The following THSD7A variants were observed in gnomAD, a reference collection of about 807,000 sequenced individuals.
THSD7A encodes thrombospondin type 1 domain containing 7A.
Under a neutral mutation model 231.3 loss-of-function variants are expected in THSD7A, and 96 were observed. The observed-to-expected ratio is 0.41, with a 90% CI of 0.35 to 0.49. The LOEUF (loss-of-function observed/expected upper bound fraction) is 0.49. THSD7A is among the 20% of genes least tolerant of loss of function. The pLI, the probability that THSD7A is intolerant of heterozygous loss-of-function variation, is 0.05. For missense variants in THSD7A, 2,290 were observed against 2,070.2 expected (o/e 1.11, Z -2.06); for synonymous variants, 940 against 743.3 (o/e 1.26, Z -4.30).
intron 1 of THSD7A, among the ~76,000 whole-genome samples, chr7:11,680,213 A>C (rs1256034849): frequency 4.6e-5 from 7 of 152,198 alleles, no homozygotes; most frequent in African/African-American, 1.7e-4. Flanking sequence ...AGATGGATTA[A>C]GGACTTCAAC....
chr7:11,722,344 T>G (rs1583224665), intron 1 of THSD7A, among the ~76,000 whole-genome samples: 1 of 152,012 alleles, frequency 6.6e-6, no homozygotes, highest in East Asian at 2.0e-4. Context: ...TCTATAATCA[T>G]TTACTGTGCC....
intron 4 of THSD7A, among the ~76,000 whole-genome samples, chr7:11,552,179 G>T (rs1789657011): frequency 1.3e-5 from 2 of 151,898 alleles, no homozygotes; most frequent in African/African-American, 2.4e-5. Flanking sequence ...GTGGGAAGAG[G>T]GTGAGGATTG....
intron 11 of THSD7A, among the ~76,000 whole-genome samples, chr7:11,454,744 A>T (rs982839102): frequency 6.6e-6 from 1 of 151,970 alleles, no homozygotes; most frequent in East Asian, 1.9e-4. Flanking sequence ...CATGAAGGCA[A>T]TGTGAAATAT....
chr7:11,541,389 A>G lies in THSD7A; in HGVS notation c.1822+30T>C, dbSNP rs1247757409. ...AACATATATGCAGGGTTGGACATCC[A>G]TAAAAACATAATAGATACGTCTGTC... On this transcript the variant is annotated intron_variant, in intron 6 of 27. Coordinates refer to ENST00000423059, the MANE Select transcript of THSD7A (RefSeq NM_015204.3). 3 of 1,608,068 alleles carry G rather than the reference A, an allele frequency of 1.9e-6. No homozygotes were observed. The Admixed American group carries it at 5.0e-5, about 27-fold the overall frequency.
chr7:11,516,891 T>C (rs1583888990), intron 6 of THSD7A, among the ~76,000 whole-genome samples: 1 of 152,284 alleles, frequency 6.6e-6, no homozygotes, highest in East Asian at 1.9e-4. Context: ...CATCACTATA[T>C]TGCCATCGCC....
chr7:11,820,484 G>A (rs1784841542), intron 1 of THSD7A: 3 of 1,045,736 alleles, frequency 2.9e-6, no homozygotes, highest in Middle Eastern at 2.4e-4. Context: ...CATCATGCAA[G>A]TAATACTTCT....
intron 23 of THSD7A, among the ~76,000 whole-genome samples, chr7:11,386,116 T>C (rs927874654): frequency 1.2e-4 from 18 of 152,210 alleles, no homozygotes; most frequent in African/African-American, 3.9e-4. Context: ...TAGTCTATCA[T>C]TGATGGGCAT....
At chr7:11,751,499 T>A (rs990234149) in intron 1 of THSD7A, 4 of 151,950 alleles carry the variant, frequency 2.6e-5, no homozygotes, top group Non-Finnish European at 4.4e-5. Flanking sequence ...AAATGGGCGC[T>A]CTGACTCACC....
intron 6 of THSD7A, among the ~76,000 whole-genome samples, chr7:11,517,545 A>C (rs1421108397): frequency 6.6e-6 from 1 of 152,216 alleles, no homozygotes; most frequent in Non-Finnish European, 1.5e-5. Context: ...TAAAAGAAGA[A>C]AAGCCCAGCA....
At chr7:11,678,157 G>T (rs1272496288) in intron 1 of THSD7A, among the ~76,000 whole-genome samples, 2 of 151,998 alleles carry the variant, frequency 1.3e-5, no homozygotes, top group Middle Eastern at 3.4e-3. Flanking sequence ...GAGAACAAGG[G>T]CATAACATAC....
At chr7:11,748,320 T>C (rs991696398) in intron 1 of THSD7A, among the ~76,000 whole-genome samples, 10 of 151,822 alleles carry the variant, frequency 6.6e-5, no homozygotes, top group African/African-American at 2.4e-4. Context: ...GAGATGAGGT[T>C]TGTTGTAAAT....
intron 6 of THSD7A, among the ~76,000 whole-genome samples, chr7:11,515,421 C>T (rs749611103): frequency 6.6e-5 from 10 of 152,078 alleles, no homozygotes; most frequent in Admixed American, 1.3e-4. Context: ...GCAAACCTAC[C>T]TTTTGGCTGA....
At chr7:11,423,160 C>T (rs1370865745) in intron 16 of THSD7A, among the ~76,000 whole-genome samples, 1 of 152,042 alleles carries the variant, frequency 6.6e-6, no homozygotes, top group Non-Finnish European at 1.5e-5. Flanking sequence ...ATTGAGAGTT[C>T]AGATGGGCTT....
intron 9 of THSD7A, among the ~76,000 whole-genome samples, chr7:11,466,312 T>G (rs1334335846): frequency 1.3e-5 from 2 of 152,192 alleles, no homozygotes; most frequent in Admixed American, 6.6e-5. Context: ...TAAATTGGTG[T>G]AATTTCAAAA....
At chr7:11,811,766 C>T (rs1784533532) in intron 1 of THSD7A, among the ~76,000 whole-genome samples, 1 of 152,130 alleles carries the variant, frequency 6.6e-6, no homozygotes, top group Non-Finnish European at 1.5e-5. Context: ...GCTTAGCTGC[C>T]TGTGGACAAA....
At position 11,462,036 on chromosome 7, in the gene THSD7A, C is replaced by A. The variant is rs778306076; in HGVS notation, c.2476G>T (p.Ala826Ser). 2.8e-5 allele frequency: 45 copies of A among 1,613,598 alleles called. No homozygotes were observed. The Admixed American group carries it at 7.3e-4, about 26-fold the overall frequency. The change falls in exon 10 of 28, where the codon GCA (alanine) becomes TCA (serine). Residue 826 changes from alanine to serine, a missense_variant. Ala to Ser is a moderately conservative substitution (Grantham distance 99). Coordinates refer to ENST00000423059, the MANE Select transcript of THSD7A (RefSeq NM_015204.3). The stretch of plus-strand genomic sequence containing the variant: ...CTGTAGCTTTGGCACGCTTGAGGTG[C>A]CTCACAGGCCTTCTCTTCATAGAGG... ...DPLYEEKACE[A>S]PQACQSYRWK...
chr7:11,750,700 A>G (rs1782472559), intron 1 of THSD7A, among the ~76,000 whole-genome samples: 1 of 152,032 alleles, frequency 6.6e-6, no homozygotes. Flanking sequence ...CTCAGACAGC[A>G]TATAGGAAGA....
chr7:11,555,671 A>G (rs1204553517), intron 4 of THSD7A, among the ~76,000 whole-genome samples: 2 of 151,810 alleles, frequency 1.3e-5, no homozygotes. Context: ...ATTTCCAACT[A>G]CAATTATCTA....
intron 1 of THSD7A, among the ~76,000 whole-genome samples, chr7:11,671,721 A>G (rs1318582459): frequency 6.6e-6 from 1 of 152,182 alleles, no homozygotes; most frequent in Non-Finnish European, 1.5e-5. Flanking sequence ...ATTTCTGGTT[A>G]TCATGAAATC....
Sources: gnomAD v4.1 joint callset for allele counts (sites outside exome capture counted in the v4.1 genomes callset) on GRCh38, gnomAD v4.1.1 for gene constraint, MANE v1.5 for transcripts, NCBI Gene and HGNC (gene_info 2026-07-23, HGNC 2026-07-21) for gene names.